The following SHLD2 variants were observed in gnomAD, a reference collection of about 807,000 sequenced individuals.
SHLD2 encodes RINN1-REV7-interacting novel NHEJ regulator 2.
In SHLD2, 30 loss-of-function variants were observed where a neutral mutation model predicts 73.2. The observed-to-expected ratio is 0.41, with a 90% CI of 0.31 to 0.56. SHLD2 has a LOEUF of 0.56. Among genes scored for constraint, SHLD2 ranks in the 20% least tolerant of loss-of-function variants. SHLD2 has a pLI of 0.28. For missense variants in SHLD2, 745 were observed against 1,055.9 expected (o/e 0.71, Z 4.08); for synonymous variants, 285 against 370.1 (o/e 0.77, Z 2.64).
chr10:87,119,597 T>C (rs547450400), intron 2 of SHLD2, among the ~76,000 whole-genome samples: 25 of 152,146 alleles, frequency 1.6e-4, no homozygotes, highest in African/African-American at 5.8e-4. Flanking sequence ...CCGTCTCTAC[T>C]AAAAATATAA....
At chr10:87,122,816 C>T (rs1364648975) in intron 2 of SHLD2, among the ~76,000 whole-genome samples, 9 of 152,180 alleles carry the variant, frequency 5.9e-5, no homozygotes, top group Admixed American at 1.3e-4. Context: ...CTCGCTCTGT[C>T]GCCCAGGCTG....
At chr10:87,096,075 C>T (rs1228370006) in intron 1 of SHLD2, among the ~76,000 whole-genome samples, 2 of 152,248 alleles carry the variant, frequency 1.3e-5, no homozygotes, top group Admixed American at 6.5e-5. Flanking sequence ...GAATCTTGCT[C>T]TGTCGCCCAG....
chr10:87,182,344 G>T (rs1314418669), intron 8 of SHLD2, among the ~76,000 whole-genome samples: 2 of 152,142 alleles, frequency 1.3e-5, no homozygotes, highest in Non-Finnish European at 2.9e-5. Flanking sequence ...CAAGAAGCTT[G>T]GTAGTCCATT....
chr10:87,105,255 A>G (rs995260332), intron 2 of SHLD2, among the ~76,000 whole-genome samples: 15 of 152,234 alleles, frequency 9.9e-5, no homozygotes, highest in Admixed American at 2.0e-4. Flanking sequence ...ATTGGGGCAC[A>G]TCTATAATGC....
At chr10:87,146,288 G>A (rs571450925) in intron 2 of SHLD2, among the ~76,000 whole-genome samples, 2 of 152,096 alleles carry the variant, frequency 1.3e-5, no homozygotes, top group African/African-American at 4.8e-5. Context: ...AAAACATTAT[G>A]AGTTCTTTTT....
intron 8 of SHLD2, among the ~76,000 whole-genome samples, chr10:87,185,430 T>G (rs1483515337): frequency 6.6e-6 from 1 of 152,208 alleles, no homozygotes; most frequent in Non-Finnish European, 1.5e-5. Flanking sequence ...GGTATATATT[T>G]AGGAGTGGTG....
intron 2 of SHLD2, among the ~76,000 whole-genome samples, chr10:87,135,748 A>C: frequency 6.9e-6 from 1 of 145,316 alleles, no homozygotes; most frequent in African/African-American, 2.6e-5. Flanking sequence ...CAATCCTCCC[A>C]CTTCAGCCTC....
At chr10:87,156,128 G>A (rs1199566799) in intron 3 of SHLD2, among the ~76,000 whole-genome samples, 167 of 149,806 alleles carry the variant, frequency 1.1e-3, no homozygotes, top group African/African-American at 4.0e-3. Flanking sequence ...GTGCAGTGGC[G>A]CGATCTCGGC....
intron 2 of SHLD2, among the ~76,000 whole-genome samples, chr10:87,110,684 T>C (rs1564579154): frequency 6.6e-6 from 1 of 151,960 alleles, no homozygotes; most frequent in African/African-American, 2.4e-5. Context: ...TCAAGAATTA[T>C]CATTTTAATG....
intron 2 of SHLD2, among the ~76,000 whole-genome samples, chr10:87,144,380 CAA>C (rs1234470520): frequency 6.6e-6 from 1 of 152,086 alleles, no homozygotes; most frequent in Non-Finnish European, 1.5e-5. Flanking sequence ...ACTTGAATAC[CAA>C]AGACAATTGC....
intron 8 of SHLD2, among the ~76,000 whole-genome samples, chr10:87,185,451 G>A (rs1359007813): frequency 6.6e-6 from 1 of 152,128 alleles, no homozygotes; most frequent in Non-Finnish European, 1.5e-5. Flanking sequence ...GAATTGCTGG[G>A]TCATATGGTA....
At chr10:87,189,649 C>T (rs7078848) in intron 9 of SHLD2, among the ~76,000 whole-genome samples, 85,656 of 152,040 alleles carry the variant, frequency 0.56, 24,869 homozygotes, top group Middle Eastern at 0.66. Flanking sequence ...GGGGTTAGTA[C>T]GGTCTGAGCA....
At chr10:87,119,487 C>T (rs9420441) in intron 2 of SHLD2, among the ~76,000 whole-genome samples, 3 of 152,074 alleles carry the variant, frequency 2.0e-5, no homozygotes, top group Admixed American at 6.6e-5. Flanking sequence ...TAGGGCCGGG[C>T]GCCGGTGGCT....
At chr10:87,144,570 A>G (rs1344770605) in intron 2 of SHLD2, among the ~76,000 whole-genome samples, 4 of 144,974 alleles carry the variant, frequency 2.8e-5, no homozygotes, top group Non-Finnish European at 4.5e-5. Flanking sequence ...AAATGTGGAC[A>G]TTTTCTATTA....
intron 2 of SHLD2, among the ~76,000 whole-genome samples, chr10:87,150,061 A>ATTTTTT (rs569408745): frequency 1.7e-5 from 2 of 114,968 alleles, no homozygotes; most frequent in African/African-American, 3.4e-5. Flanking sequence ...AAAATGAGTA[A>ATTTTTT]TTTTTTTTTT....
In SHLD2 at chr10:87,142,518, G is replaced by A. The variant is rs2134237999; in HGVS notation, c.-5-8832G>A. 2.0e-5 allele frequency among the ~76,000 whole-genome samples: 3 copies of A among 152,244 alleles called. No individual in the cohort carries two copies. The Middle Eastern group carries it at 0.01, about 518-fold the overall frequency. ...TCTAGGGGGATGGTGGTGGAAGAAG[G>A]ATGGTGATTTGAGCCAGGCAGTAGC... On this transcript the variant is annotated intron_variant, in intron 2 of 9. Coordinates refer to ENST00000298786, the MANE Select transcript of SHLD2 (RefSeq NM_001330112.2).
chr10:87,123,275 A>G (rs984573359), intron 2 of SHLD2, among the ~76,000 whole-genome samples: 1 of 152,040 alleles, frequency 6.6e-6, no homozygotes, highest in Admixed American at 6.6e-5. Flanking sequence ...GTCAATGTCT[A>G]CTTTCTGTTA....
chr10:87,111,389 C>T (rs1389229449), intron 2 of SHLD2, among the ~76,000 whole-genome samples: 1 of 151,798 alleles, frequency 6.6e-6, no homozygotes, highest in Non-Finnish European at 1.5e-5. Context: ...TCCTGTAATC[C>T]CAACACTTTG....
chr10:87,189,629 T>C (rs953640428), intron 9 of SHLD2, among the ~76,000 whole-genome samples: 1 of 152,242 alleles, frequency 6.6e-6, no homozygotes, highest in African/African-American at 2.4e-5. Context: ...AAGACTGTGA[T>C]AATTGTCAAG....
Sources: allele counts gnomAD v4.1 joint callset (sites outside exome capture counted in the v4.1 genomes callset), GRCh38; gene constraint gnomAD v4.1.1; transcripts MANE v1.5; gene names NCBI Gene and HGNC (gene_info 2026-07-23, HGNC 2026-07-21).